The following MTUS1 variants were observed in gnomAD, a reference collection of about 807,000 sequenced individuals.
MTUS1 encodes microtubule associated scaffold protein 1, also known as microtubule-associated tumor suppressor 1.
A neutral mutation model predicts 120.8 loss-of-function variants in MTUS1; 109 were observed. The ratio of observed to expected loss-of-function variants is 0.90; its 90% CI spans 0.77 to 1.06. The LOEUF is 1.06. Ranked by LOEUF, MTUS1 falls within the 50% of genes least tolerant of loss-of-function variation. The pLI, the probability that MTUS1 is intolerant of heterozygous loss-of-function variation, is 0.00. For synonymous variants in MTUS1, 737 were observed against 550.5 expected, an observed-to-expected ratio of 1.34 and a Z score of -4.74; for missense variants, 2,210 against 1,486.3, an observed-to-expected ratio of 1.49 and a Z score of -8.01.
chr8:17,769,346 AT>A (rs34688586), intron 1 of MTUS1, among the ~76,000 whole-genome samples: 63,967 of 105,984 alleles, frequency 0.6, 16,791 homozygotes, highest in Middle Eastern at 0.74. Context: ...TTAGTCAGTA[AT>A]TTTTTTTTTT....
At chr8:17,702,761 T>G (rs899635607) in intron 6 of MTUS1, among the ~76,000 whole-genome samples, 2 of 152,204 alleles carry the variant, frequency 1.3e-5, no homozygotes, top group African/African-American at 4.8e-5. Flanking sequence ...ATATTTGCTT[T>G]ATCCTATGGA....
At chr8:17,684,222 T>C (rs140780148) in intron 7 of MTUS1, 106 bp downstream of exon 7, 28 of 789,224 alleles carry the variant, frequency 3.5e-5, no homozygotes, top group African/African-American at 3.1e-4. Flanking sequence ...CACCTGATCT[T>C]TCCCATCATT....
chr8:17,684,324 T>G lies in MTUS1; in HGVS notation c.2838+4A>C. On this transcript the variant is annotated splice_donor_region_variant and intron_variant, in intron 7 of 14. Coordinates refer to ENST00000693296, the MANE Select transcript of MTUS1 (RefSeq NM_001363059.2). Reference sequence around the variant, plus strand: ...AAGGCTCTTTCTAGGATGCACCTCCTTACCTCAGACAGCAGGTGCTGAATC... The same window carrying G: ...AAGGCTCTTTCTAGGATGCACCTCCGTACCTCAGACAGCAGGTGCTGAATC... 6.2e-7 allele frequency: 1 copy of G among 1,612,944 alleles called. No homozygotes were observed. Among genetic ancestry groups the G allele is most frequent in the Non-Finnish European group, 8.5e-7 (1 of 1,178,902 alleles).
intron 6 of MTUS1, among the ~76,000 whole-genome samples, chr8:17,706,590 A>G (rs781315348): frequency 1.3e-5 from 2 of 152,220 alleles, no homozygotes; most frequent in Non-Finnish European, 2.9e-5. Flanking sequence ...CAACCACGGT[A>G]TAAAATGATA....
intron 1 of MTUS1, among the ~76,000 whole-genome samples, chr8:17,790,844 G>A (rs546073500): frequency 2.0e-5 from 3 of 152,062 alleles, no homozygotes; most frequent in South Asian, 2.1e-4. Flanking sequence ...AAAATTAGCC[G>A]GGCATGATGG....
chr8:17,727,130 C>T (rs969976932), intron 3 of MTUS1, among the ~76,000 whole-genome samples: 4 of 152,162 alleles, frequency 2.6e-5, no homozygotes, highest in Non-Finnish European at 4.4e-5. Flanking sequence ...GGCAGCCAGT[C>T]CTCACCAAAG....
intron 6 of MTUS1, chr8:17,706,049 C>T (rs1039510357): frequency 6.6e-6 from 1 of 152,158 alleles, no homozygotes; most frequent in South Asian, 2.1e-4. Context: ...AACAGTTAGA[C>T]CCCAAGAGGT....
chr8:17,798,493 T>G (rs911955396), intron 1 of MTUS1, among the ~76,000 whole-genome samples: 2 of 152,002 alleles, frequency 1.3e-5, no homozygotes, highest in Non-Finnish European at 2.9e-5. Flanking sequence ...CCAACACAAT[T>G]GACTAATTTT....
intron 7 of MTUS1, chr8:17,676,498 G>C (rs146613631): frequency 3.2e-4 from 189 of 595,978 alleles, no homozygotes; most frequent in African/African-American, 3.0e-3. Context: ...CGTGTGCCTC[G>C]GATTCCTCAC....
chr8:17,745,320 T>C (rs776540830), intron 2 of MTUS1, among the ~76,000 whole-genome samples: 1 of 152,234 alleles, frequency 6.6e-6, no homozygotes, highest in Non-Finnish European at 1.5e-5. Context: ...ATAACCTATG[T>C]ACATCCTCCC....
rs368094588 is a variant in MTUS1, at chr8:17,771,391, C to T, written c.-154-15430G>A. ...AATATCAAAACAAAATAAATTTATG[C>T]TCCAATGGAATCAAATACATGCTTC... On this transcript the variant is annotated intron_variant, in intron 1 of 14. Transcript: ENST00000693296. Among the ~76,000 whole-genome samples, 51 of 152,228 alleles carry T rather than the reference C, an allele frequency of 3.4e-4. No individual in the cohort carries two copies. In the East Asian group the frequency reaches 5.2e-3, roughly 16 times the overall value.
intron 6 of MTUS1, among the ~76,000 whole-genome samples, chr8:17,690,581 T>G (rs1438278252): frequency 6.6e-6 from 1 of 152,108 alleles, no homozygotes; most frequent in Non-Finnish European, 1.5e-5. Flanking sequence ...ATAACAGAAA[T>G]GAAAATTAAA....
chr8:17,793,598 C>G (rs941834010), intron 1 of MTUS1, among the ~76,000 whole-genome samples: 4 of 151,968 alleles, frequency 2.6e-5, no homozygotes, highest in African/African-American at 9.7e-5. Flanking sequence ...ACATTTAGAC[C>G]CTATCCTTAA....
At chr8:17,729,880 T>C (rs893612756) in intron 3 of MTUS1, among the ~76,000 whole-genome samples, 2 of 146,950 alleles carry the variant, frequency 1.4e-5, no homozygotes, top group South Asian at 2.1e-4. Flanking sequence ...AGACAACAAA[T>C]AGCCCAGAGG....
chr8:17,647,196 C>T (rs879939423), intron 13 of MTUS1, 117 bp from the exon 14 acceptor site: 65 of 728,284 alleles, frequency 8.9e-5, no homozygotes, highest in Non-Finnish European at 1.3e-4. Context: ...AAATGCAATT[C>T]CATATTAAAA....
At position 17,755,689 on chromosome 8, in the gene MTUS1, G is replaced by T; in HGVS notation, c.119C>A (p.Ser40Ter). The T allele has an allele frequency of 3.1e-6, 5 of 1,614,202 alleles. No individual in the cohort carries two copies. The highest frequency in any genetic ancestry group is 4.2e-6 in the Non-Finnish European group (5 of 1,180,032). The change falls in exon 2 of 15, where the codon TCA (serine) becomes TAA (stop). Residue 40 changes from serine to a stop codon, truncating the protein, a stop_gained. Transcript: ENST00000693296. LOFTEE classifies it high-confidence loss of function. ...AGAATTCCAGTTCACACTGCTGGCT[G>T]AAGAGTTTTGTGTAGGTGGTGATTT... is the stretch of plus-strand genomic sequence containing the variant. ...NPKSPPTQNS[S>*]ASSVNWNSAN...
At chr8:17,767,031 C>A (rs1417949580) in intron 1 of MTUS1, among the ~76,000 whole-genome samples, 1 of 151,762 alleles carries the variant, frequency 6.6e-6, no homozygotes, top group Non-Finnish European at 1.5e-5. Flanking sequence ...AACCATTTGC[C>A]ATCTTTTCCT....
At chr8:17,692,151 C>A (rs1219744735) in intron 6 of MTUS1, 1 of 152,156 alleles carries the variant, frequency 6.6e-6, no homozygotes, top group African/African-American at 2.4e-5. Context: ...CCTGTTCTGC[C>A]TTCTCTGTGG....
At chr8:17,732,621 C>T (rs1330106579) in intron 3 of MTUS1, among the ~76,000 whole-genome samples, 1 of 152,166 alleles carries the variant, frequency 6.6e-6, no homozygotes, top group Non-Finnish European at 1.5e-5. Flanking sequence ...CTTGCATATC[C>T]AGTTTTCTAC....
Sources: gnomAD v4.1 joint callset for allele counts (sites outside exome capture counted in the v4.1 genomes callset) on GRCh38, gnomAD v4.1.1 for gene constraint, MANE v1.5 for transcripts, NCBI Gene and HGNC (gene_info 2026-07-23, HGNC 2026-07-21) for gene names.